The following SNX29 variants were observed in gnomAD, a reference collection of about 807,000 sequenced individuals.
SNX29 encodes the protein sorting nexin 29.
A neutral mutation model predicts 102.1 loss-of-function variants in SNX29; 78 were observed. The observed-to-expected ratio is 0.76, with a 90% CI of 0.64 to 0.92. The LOEUF (loss-of-function observed/expected upper bound fraction) is 0.92, where lower values mean the gene tolerates loss of function less well. Ranked by LOEUF, SNX29 falls within the 40% of genes least tolerant of loss-of-function variation. The pLI, the probability that SNX29 is intolerant of heterozygous loss-of-function variation, is 0.00. For synonymous variants in SNX29, 580 were observed against 414.5 expected, an observed-to-expected ratio of 1.40 and a Z score of -4.85; for missense variants, 1,280 against 1,061.7, an observed-to-expected ratio of 1.21 and a Z score of -2.86.
At chr16:12,524,980 C>G (rs1326653524) in intron 20 of SNX29, 139 bp downstream of exon 20, 1 of 1,250,358 alleles carries the variant, frequency 8.0e-7, no homozygotes, top group South Asian at 1.5e-5. Flanking sequence ...AGGGGCTGTT[C>G]CAGGTGCCAA....
At chr16:12,018,924 T>C (rs2056932230) in intron 3 of SNX29, among the ~76,000 whole-genome samples, 1 of 152,020 alleles carries the variant, frequency 6.6e-6, no homozygotes, top group Non-Finnish European at 1.5e-5. Context: ...GTTTTTACAT[T>C]TGTGGGTTAG....
chr16:12,308,547 C>T (rs1360941027), intron 15 of SNX29, among the ~76,000 whole-genome samples: 1 of 152,116 alleles, frequency 6.6e-6, no homozygotes, highest in Non-Finnish European at 1.5e-5. Context: ...TCATGTTTGT[C>T]AACTTGTTGT....
At chr16:12,246,757 A>G (rs8062145) in intron 14 of SNX29, among the ~76,000 whole-genome samples, 6,418 of 152,246 alleles carry the variant, frequency 0.042, 374 homozygotes, top group African/African-American at 0.13. Flanking sequence ...TCTTAGAACA[A>G]TGACCCGGGC....
At chr16:12,310,634 A>T (rs1352754437) in intron 15 of SNX29, among the ~76,000 whole-genome samples, 1 of 152,140 alleles carries the variant, frequency 6.6e-6, no homozygotes, top group Non-Finnish European at 1.5e-5. Flanking sequence ...TGGCGACGGG[A>T]TGGGAGGGTG....
At chr16:12,125,466 G>A (rs1015088388) in intron 11 of SNX29, among the ~76,000 whole-genome samples, 8 of 152,106 alleles carry the variant, frequency 5.3e-5, no homozygotes, top group African/African-American at 1.9e-4. Flanking sequence ...CACGGTGTAT[G>A]GGACCTGGGA....
At chr16:12,119,050 C>T (rs989801526) in intron 11 of SNX29, among the ~76,000 whole-genome samples, 10 of 152,160 alleles carry the variant, frequency 6.6e-5, no homozygotes, top group African/African-American at 2.2e-4. Context: ...CAATAGTGAT[C>T]CACAGCTTGA....
At position 12,441,173 on chromosome 16, in the gene SNX29, C is replaced by T. The variant is rs891212755; in HGVS notation, c.2038-36546C>T. ...CGCTATCTCGGCTCACTGCAAGCTC[C>T]GCCTCCTGGGTTCCCGCCATTCTCC... is the stretch of plus-strand genomic sequence containing the variant. On this transcript the variant is annotated intron_variant, in intron 18 of 20. Transcript: ENST00000566228. 1.1e-4 allele frequency among the ~76,000 whole-genome samples: 16 copies of T among 151,248 alleles called. No homozygotes were observed. In the South Asian group the frequency reaches 1.7e-3, roughly 16 times the overall value.
rs138892662 is a variant in SNX29 at position 12,332,872 on chromosome 16, C to T, written c.1783-23291C>T. Among the ~76,000 whole-genome samples, 219 of 152,184 alleles carry T rather than the reference C, an allele frequency of 1.4e-3. 6 individuals carry two copies. In the South Asian group the frequency reaches 0.044, roughly 30 times the overall value. The stretch of plus-strand genomic sequence containing the variant: ...CCTGCTTCGTCACTCCATGTGCCCT[C>T]GTCCTTCAAGCCTCACCTCCAAGCT... On this transcript the variant is annotated intron_variant, in intron 15 of 20. Transcript: ENST00000566228.
intron 14 of SNX29, among the ~76,000 whole-genome samples, chr16:12,277,231 TA>T (rs923189850): frequency 6.6e-6 from 1 of 151,758 alleles, no homozygotes. Context: ...CTACAAAAAC[TA>T]AAAAAACAAA....
chr16:12,369,084 T>C (rs2082589282), intron 16 of SNX29, among the ~76,000 whole-genome samples: 1 of 152,006 alleles, frequency 6.6e-6, no homozygotes, highest in African/African-American at 2.4e-5. Context: ...GGGAGTAATC[T>C]CAAGACCCTG....
chr16:12,356,532 T>TC (rs35618678), intron 16 of SNX29, among the ~76,000 whole-genome samples: 1 of 152,184 alleles, frequency 6.6e-6, no homozygotes, highest in African/African-American at 2.4e-5. Context: ...TATAGTCCCC[T>TC]CCCCCCGCAA....
intron 11 of SNX29, chr16:12,094,989 A>T (rs2096491346): frequency 6.6e-6 from 1 of 151,986 alleles, no homozygotes; most frequent in Admixed American, 6.6e-5. Flanking sequence ...GTGTGTGTGT[A>T]TGTTTGGGAG....
chr16:12,091,014 C>CAAAA (rs58933500), intron 11 of SNX29, among the ~76,000 whole-genome samples: 274 of 52,454 alleles, frequency 5.2e-3, no homozygotes, highest in East Asian at 8.0e-3. Flanking sequence ...GACTTCATCT[C>CAAAA]AAAAAAAAAA....
At chr16:12,544,608 ACT>A (rs1434927516) in intron 20 of SNX29, among the ~76,000 whole-genome samples, 18 of 152,184 alleles carry the variant, frequency 1.2e-4, no homozygotes, top group South Asian at 1.0e-3. Context: ...GTCACTCCTG[ACT>A]CTGCGTCATG....
chr16:12,038,606 G>T (rs531761811), intron 4 of SNX29: 1 of 152,222 alleles, frequency 6.6e-6, no homozygotes, highest in Non-Finnish European at 1.5e-5. Flanking sequence ...ATTAATTCTG[G>T]CAGTGGAAGC....
intron 11 of SNX29, chr16:12,095,125 C>T (rs2052714740): frequency 6.6e-6 from 1 of 152,186 alleles, no homozygotes; most frequent in South Asian, 2.1e-4. Context: ...GAAGTACCGT[C>T]ACTGCTGCGG....
At chr16:12,348,536 C>CTG (rs1443602816) in intron 15 of SNX29, among the ~76,000 whole-genome samples, 2 of 150,796 alleles carry the variant, frequency 1.3e-5, no homozygotes, top group Non-Finnish European at 2.9e-5. Flanking sequence ...TTCCCCGGCT[C>CTG]TGTGTGTGTG....
At chr16:12,043,787 T>A (rs573632383) in intron 5 of SNX29, among the ~76,000 whole-genome samples, 1 of 152,152 alleles carries the variant, frequency 6.6e-6, no homozygotes, top group Non-Finnish European at 1.5e-5. Context: ...GGAGCCTCAC[T>A]CTTTTGCCCA....
intron 15 of SNX29, among the ~76,000 whole-genome samples, chr16:12,331,592 C>T (rs2081293697): frequency 6.6e-6 from 1 of 152,076 alleles, no homozygotes; most frequent in Non-Finnish European, 1.5e-5. Flanking sequence ...ACTCTGTTGC[C>T]CAGGCTGGAG....
Sources: allele counts gnomAD v4.1 joint callset (sites outside exome capture counted in the v4.1 genomes callset), GRCh38; gene constraint gnomAD v4.1.1; transcripts MANE v1.5; gene names NCBI Gene and HGNC (gene_info 2026-07-23, HGNC 2026-07-21).